The following TGOLN2 variants were observed in gnomAD, a reference collection of about 807,000 sequenced individuals.
TGOLN2 encodes trans-Golgi network integral membrane protein 2.
In TGOLN2, 19 loss-of-function variants were observed where a neutral mutation model predicts 31.3. The observed-to-expected ratio is 0.61, with a 90% CI of 0.42 to 0.89. TGOLN2 has a LOEUF of 0.89. TGOLN2 is among the 40% of genes least tolerant of loss of function. The pLI is 0.00. For missense variants in TGOLN2, 540 were observed against 559.2 expected, an observed-to-expected ratio of 0.97 and a Z score of 0.35; for synonymous variants, 222 against 226.7, an observed-to-expected ratio of 0.98 and a Z score of 0.19.
In TGOLN2 at chr2:85,327,117, G is replaced by A. The variant is rs1361567659; in HGVS notation, c.615C>T (p.Asp205=). Residue 205 remains aspartate, a synonymous_variant, in exon 2 of 4, where the codon GAC becomes GAT. Transcript: ENST00000377386. ...TCTCCGCACCCGACTTGTTAGGGAC[G>A]TCTTTTGGGGTCTGATCCTCCGCAC... is the stretch of plus-strand genomic sequence containing the variant. The part of the protein sequence containing the change: ...KSGAEDQTPK[D]VPNKSGAEKQ... 1 of 1,613,772 alleles carries A rather than the reference G, an allele frequency of 6.2e-7. No homozygotes were observed. The highest frequency in any genetic ancestry group is 1.1e-5 in the South Asian group (1 of 91,072).
In TGOLN2 at chr2:85,326,654, A is replaced by T. The variant is rs1162106360; in HGVS notation, c.1078T>A (p.Ser360Thr). The T allele has an allele frequency of 1.2e-6, 2 of 1,614,002 alleles. No individual in the cohort carries two copies. Among genetic ancestry groups the T allele is most frequent in the South Asian group, 2.2e-5 (2 of 91,086 alleles). Residue 360 changes from serine (S) to threonine (T), a missense_variant, in exon 2 of 4, where the codon TCG (serine) becomes ACG (threonine). Transcript: ENST00000377386. ...TCCTTCTCGCTACCCGTGGAATCCG[A>T]AAGTGTCCCTTCACGGTTCTCACTG... ...ASSENREGTL[S>T]DSTGSEKDDL...
Position 85,322,657 on chromosome 2 carries a change from C to CA in TGOLN2, c.*78dup, listed in dbSNP as rs563572130. 1.8e-4 allele frequency: 283 copies of CA among 1,600,190 alleles called. No individual in the cohort carries two copies. In the African/African-American group the frequency reaches 3.4e-3, roughly 19 times the overall value. On this transcript the variant is annotated 3_prime_UTR_variant, in exon 4 of 4. Transcript: ENST00000377386. ...GCAGGGAGGACAAGGTTCTCAAGGA[C>CA]AAAAAAATCAAAGCTGAAACGAGAG...
chr2:85,327,483 C>T lies in TGOLN2; in HGVS notation c.249G>A (p.Lys83=), dbSNP rs1229961342. The change falls in exon 2 of 4, where the codon AAG becomes AAA. Residue 83 remains lysine (K), a synonymous_variant. Transcript: ENST00000377386. ...TTTGGGTCTTTGCCTCCGCACCCGA[C>T]TTGTTGGGGGTGTCTTCTGGGGTCT... The part of the protein sequence containing the change: ...EAQTPEDTPN[K]SGAEAKTQKD... 6.2e-7 allele frequency: 1 copy of T among 1,613,920 alleles called. No individual in the cohort carries two copies. The highest frequency in any genetic ancestry group is 8.5e-7 in the Non-Finnish European group (1 of 1,179,860).
At position 85,320,259 on chromosome 2, in the gene TGOLN2, A is replaced by G. The variant is rs1380931502; in HGVS notation, c.*2477T>C. 1 of 152,250 alleles carries G rather than the reference A, an allele frequency of 6.6e-6. No individual in the cohort carries two copies. The highest frequency in any genetic ancestry group is 1.5e-5 in the Non-Finnish European group (1 of 68,044). 9.4% of individuals were successfully genotyped at this position (152,250 alleles called of 1,614,324 possible). A position where few individuals can be genotyped will look rare whatever the true frequency, so the allele number is the denominator to read the frequency against. Reference sequence around the variant, plus strand: ...CTAAGCCTTGAGAAGTTCACACCAAAGCTTCAGACCAGGGAAAATATTTTG... The same window carrying G: ...CTAAGCCTTGAGAAGTTCACACCAAGGCTTCAGACCAGGGAAAATATTTTG... On this transcript the variant is annotated 3_prime_UTR_variant, in exon 4 of 4. Coordinates refer to ENST00000377386, the MANE Select transcript of TGOLN2 (RefSeq NM_006464.4).
rs61743616 is a variant in TGOLN2, at chr2:85,327,558, C to T, written c.174G>A (p.Pro58=). ...GGCTGTCTTTTGGAGTCTGCGGCTC[C>T]GGATGCGACTTGGTAGAGCCTCCAG... The part of the protein sequence containing the change: ...QRPGGSTKSH[P]EPQTPKDSPS... Residue 58 remains proline (P), a synonymous_variant, in exon 2 of 4, where the codon CCG becomes CCA. Coordinates refer to ENST00000377386, the MANE Select transcript of TGOLN2 (RefSeq NM_006464.4). 53 of 1,613,942 alleles carry T rather than the reference C, an allele frequency of 3.3e-5. No individual in the cohort carries two copies. The highest frequency in any genetic ancestry group is 6.7e-5 in the Admixed American group (4 of 60,010).
At chr2:85,326,192 C>A (rs77297769) in intron 2 of TGOLN2, among the ~76,000 whole-genome samples, 1 of 152,294 alleles carries the variant, frequency 6.6e-6, no homozygotes, top group Non-Finnish European at 1.5e-5. Flanking sequence ...CTGTCAAGTA[C>A]TCAGGTCCTC....
In TGOLN2 at chr2:85,322,102, C is replaced by A. The variant is rs1044669281; in HGVS notation, c.*634G>T. ...GTTAGACTTGCACCCAAAAAAGCAT[C>A]TTTTTTTTTAACCTGCTGTTTTGGT... On this transcript the variant is annotated 3_prime_UTR_variant, in exon 4 of 4. Transcript: ENST00000377386. The A allele has an allele frequency of 6.6e-6, 1 of 152,060 alleles. No homozygotes were observed. 9.4% of individuals were successfully genotyped at this position (152,060 alleles called of 1,614,324 possible). A position where few individuals can be genotyped will look rare whatever the true frequency, so the allele number is the denominator to read the frequency against.
chr2:85,327,768 C>CG (rs1682810482), intron 1 of TGOLN2, 83 bp from the exon 2 acceptor site: 1 of 194,416 alleles, frequency 5.1e-6, no homozygotes. Flanking sequence ...TCGGGAGCAG[C>CG]GGGGGAATGG....
rs1176569408 is a variant in TGOLN2 at position 85,327,973 on chromosome 2, T to G, written c.-11A>C. Reference sequence around the variant, plus strand: ...AACCACGAACCGCATCCTGCTCGGATAGCGCTTCCGCCCTCTAATGCTCTC... The same window carrying G: ...AACCACGAACCGCATCCTGCTCGGAGAGCGCTTCCGCCCTCTAATGCTCTC... On this transcript the variant is annotated 5_prime_UTR_variant, in exon 1 of 4. Coordinates refer to ENST00000377386, the MANE Select transcript of TGOLN2 (RefSeq NM_006464.4). 2 of 1,584,240 alleles carry G rather than the reference T, an allele frequency of 1.3e-6. No homozygotes were observed. The highest frequency in any genetic ancestry group is 1.3e-5 in the African/African-American group (1 of 74,370).
chr2:85,327,733 A>G lies in TGOLN2; in HGVS notation c.47-48T>C, dbSNP rs1383347048. 3 of 1,441,816 alleles carry G rather than the reference A, an allele frequency of 2.1e-6. No individual in the cohort carries two copies. The South Asian group carries it at 3.5e-5, about 17-fold the overall frequency. 89.3% of individuals were successfully genotyped at this position (1,441,816 alleles called of 1,614,324 possible). ...CACCGGAGAAGGGCAGGCGGGAAGA[A>G]GGAACTCCTCAGAACTGGAAGAGAT... is the stretch of plus-strand genomic sequence containing the variant. On this transcript the variant is annotated intron_variant, in intron 1 of 3. Coordinates refer to ENST00000377386, the MANE Select transcript of TGOLN2 (RefSeq NM_006464.4).
Position 85,327,503 on chromosome 2 carries a change from G to C in TGOLN2, c.229C>G (p.Pro77Ala). ...CCCGACTTGTTGGGGGTGTCTTCTG[G>C]GGTCTGCGCCTCCGCACTCGACTTG... ...PSKSSAEAQT[P>A]EDTPNKSGAE... Residue 77 changes from proline to alanine, a missense_variant, in exon 2 of 4, where the codon CCA (proline) becomes GCA (alanine). Transcript: ENST00000377386. The C allele has an allele frequency of 1.2e-6, 2 of 1,613,538 alleles. No homozygotes were observed. Among genetic ancestry groups the C allele is most frequent in the Non-Finnish European group, 1.7e-6 (2 of 1,179,758 alleles).
At position 85,318,203 on chromosome 2, in the gene TGOLN2, A is replaced by G. The variant is rs977607363; in HGVS notation, c.*4533T>C. ...TTATAGTTAAGTTACAAAAAGCTGA[A>G]AGTATAAAACATTGTGGAAACAGTG... On this transcript the variant is annotated 3_prime_UTR_variant, in exon 4 of 4. Coordinates refer to ENST00000377386, the MANE Select transcript of TGOLN2 (RefSeq NM_006464.4). 6.6e-6 allele frequency: 1 copy of G among 152,254 alleles called. No individual in the cohort carries two copies. Among genetic ancestry groups the G allele is most frequent in the Non-Finnish European group, 1.5e-5 (1 of 68,038 alleles). 9.4% of individuals were successfully genotyped at this position (152,254 alleles called of 1,614,324 possible).
Position 85,326,653 on chromosome 2 carries a change from G to A in TGOLN2, c.1079C>T (p.Ser360Leu). ...ASSENREGTLSDSTGSEKDDL... is the reference protein window; with the variant it reads ...ASSENREGTLLDSTGSEKDDL... ...ATCCTTCTCGCTACCCGTGGAATCC[G>A]AAAGTGTCCCTTCACGGTTCTCACT... The change falls in exon 2 of 4, where the codon TCG becomes TTG. Residue 360 changes from serine to leucine, a missense_variant. Physicochemically the swap from Ser to Leu is moderately radical, Grantham distance 145. Coordinates refer to ENST00000377386, the MANE Select transcript of TGOLN2 (RefSeq NM_006464.4). The A allele has an allele frequency of 1.2e-6, 2 of 1,614,018 alleles. No individual in the cohort carries two copies. The highest frequency in any genetic ancestry group is 1.7e-6 in the Non-Finnish European group (2 of 1,179,888).
In TGOLN2 at chr2:85,318,299, A is replaced by G. The variant is rs2104402189; in HGVS notation, c.*4437T>C. The stretch of plus-strand genomic sequence containing the variant: ...ACCATTAATCATTTATCAAACATGA[A>G]GTCTGGTGCATTAAAGGAATATCTA... On this transcript the variant is annotated 3_prime_UTR_variant, in exon 4 of 4. Coordinates refer to ENST00000377386, the MANE Select transcript of TGOLN2 (RefSeq NM_006464.4). 6.6e-6 allele frequency: 1 copy of G among 152,360 alleles called. No homozygotes were observed. Among genetic ancestry groups the G allele is most frequent in the East Asian group, 1.9e-4 (1 of 5,190 alleles). 9.4% of individuals were successfully genotyped at this position (152,360 alleles called of 1,614,324 possible). A position where few individuals can be genotyped will look rare whatever the true frequency, so the allele number is the denominator to read the frequency against.
At position 85,318,989 on chromosome 2, in the gene TGOLN2, G is replaced by A. The variant is rs949347302; in HGVS notation, c.*3747C>T. On this transcript the variant is annotated 3_prime_UTR_variant, in exon 4 of 4. Coordinates refer to ENST00000377386, the MANE Select transcript of TGOLN2 (RefSeq NM_006464.4). Reference sequence around the variant, plus strand: ...AAAGGGAAGCCCTTAGCTGACTATAGGAGGTGCCTCTTGTGGCTCCACGTG... The same window carrying A: ...AAAGGGAAGCCCTTAGCTGACTATAAGAGGTGCCTCTTGTGGCTCCACGTG... 7 of 152,190 alleles carry A rather than the reference G, an allele frequency of 4.6e-5. No homozygotes were observed. The highest frequency in any genetic ancestry group is 1.0e-4 in the Non-Finnish European group (7 of 68,050). The allele number at this position is 152,190 out of a possible 1,614,324, so 9.4% of individuals were successfully genotyped here.
rs1199777243 is a variant in TGOLN2, at chr2:85,322,736, T to A, written c.1314A>T (p.Ter438TyrextTer44). The stretch of plus-strand genomic sequence containing the variant: ...TTTTCCAGAGGAATATACCATTCTG[T>A]TAGGACTTAGGGGAAAAAAGATCTT... ...SDYQRLDQKS* is the reference protein window; with the variant it reads ...SDYQRLDQKSY The change falls in exon 4 of 4, where the codon TAA becomes TAT. Residue 438 changes from the stop codon to tyrosine (Y), a stop_lost. Transcript: ENST00000377386. 5 of 1,611,914 alleles carry A rather than the reference T, an allele frequency of 3.1e-6. No homozygotes were observed. The highest frequency in any genetic ancestry group is 1.7e-5 in the Admixed American group (1 of 59,302).
intron 2 of TGOLN2, 96 bp from the exon 3 acceptor site, chr2:85,325,094 T>A: frequency 8.8e-7 from 1 of 1,137,864 alleles, no homozygotes; most frequent in Non-Finnish European, 1.3e-6. Context: ...GCATATTTGT[T>A]AATGACCCTG....
chr2:85,326,445 C>T, intron 2 of TGOLN2, 63 bp downstream of exon 2: 1 of 1,541,178 alleles, frequency 6.5e-7, no homozygotes, highest in Middle Eastern at 1.7e-4. Flanking sequence ...GATACCCACC[C>T]ACACCCAAGC....
intron 3 of TGOLN2, among the ~76,000 whole-genome samples, chr2:85,323,427 G>A (rs1396633465): frequency 5.9e-5 from 9 of 152,140 alleles, no homozygotes; most frequent in Admixed American, 2.6e-4. Context: ...TTAGCTGGGC[G>A]TGGTGGTGGG....
Sources: gnomAD v4.1 joint callset for allele counts (sites outside exome capture counted in the v4.1 genomes callset) on GRCh38, gnomAD v4.1.1 for gene constraint, MANE v1.5 for transcripts, NCBI Gene and HGNC (gene_info 2026-07-23, HGNC 2026-07-21) for gene names.